ZMAT4: variants seen among roughly 807,000 people sequenced by gnomAD.
ZMAT4 encodes zinc finger matrin-type protein 4.
In ZMAT4, 17 loss-of-function variants were observed where a neutral mutation model predicts 28.7. That is an observed-to-expected ratio of 0.59 (90% CI 0.41 to 0.89). The LOEUF is 0.89. Among genes scored for constraint, ZMAT4 ranks in the 40% least tolerant of loss-of-function variants. The pLI is 0.00. For missense variants in ZMAT4, 240 were observed against 283.8 expected (o/e 0.85, Z 1.11); for synonymous variants, 117 against 109.2 (o/e 1.07, Z -0.44).
chr8:40,824,076 A>G (rs1414880139), intron 2 of ZMAT4, among the ~76,000 whole-genome samples: 1 of 152,032 alleles, frequency 6.6e-6, no homozygotes, highest in Non-Finnish European at 1.5e-5. Context: ...CTGGGTGCGT[A>G]TGTGTGTGTG....
rs142963062 is a variant in ZMAT4, at chr8:40,889,109, G to A, written c.-5+8574C>T. ...CTCAACTTCTCTGCTTGTGAAATGA[G>A]CAGATATATGTGATGCACCCCTTGA... On this transcript the variant is annotated intron_variant, in intron 1 of 6. Coordinates refer to ENST00000297737, the MANE Select transcript of ZMAT4 (RefSeq NM_024645.3). Among the ~76,000 whole-genome samples the A allele has an allele frequency of 1.4e-4, 21 of 152,320 alleles. No individual in the cohort carries two copies. In the East Asian group the frequency reaches 3.7e-3, roughly 27 times the overall value.
chr8:40,713,095 G>T (rs956822661), intron 3 of ZMAT4, among the ~76,000 whole-genome samples: 1 of 151,938 alleles, frequency 6.6e-6, no homozygotes, highest in African/African-American at 2.4e-5. Flanking sequence ...TTTTAAAGTG[G>T]GTTTCTGCTA....
intron 5 of ZMAT4, among the ~76,000 whole-genome samples, chr8:40,593,572 C>G (rs1467210334): frequency 6.6e-6 from 1 of 152,174 alleles, no homozygotes; most frequent in Non-Finnish European, 1.5e-5. Context: ...GCTACATCAG[C>G]TGAAAGTCCT....
chr8:40,601,457 G>A (rs13279924), intron 5 of ZMAT4, among the ~76,000 whole-genome samples: 2 of 40,738 alleles, frequency 4.9e-5, no homozygotes, highest in African/African-American at 2.2e-4. Flanking sequence ...AGGAAGGAAG[G>A]GAGGAAGAAA....
At chr8:40,571,285 CA>C (rs1804089367) in intron 6 of ZMAT4, among the ~76,000 whole-genome samples, 1 of 108,786 alleles carries the variant, frequency 9.2e-6, no homozygotes, top group Non-Finnish European at 1.9e-5. Flanking sequence ...GCCTGTATAG[CA>C]AAAGCATGCA....
At chr8:40,863,371 T>G (rs1428698777) in intron 1 of ZMAT4, among the ~76,000 whole-genome samples, 1 of 151,980 alleles carries the variant, frequency 6.6e-6, no homozygotes, top group Non-Finnish European at 1.5e-5. Flanking sequence ...TTTGGAGAAG[T>G]GGAGGTACAA....
chr8:40,690,978 T>C (rs751952230), intron 4 of ZMAT4: 141 of 959,574 alleles, frequency 1.5e-4, no homozygotes, highest in Non-Finnish European at 1.7e-4. Flanking sequence ...TTAAAGTGTA[T>C]AAATATCTGT....
intron 2 of ZMAT4, among the ~76,000 whole-genome samples, chr8:40,815,093 G>T (rs1301096949): frequency 6.6e-6 from 1 of 152,080 alleles, no homozygotes; most frequent in African/African-American, 2.4e-5. Context: ...TGGCCAACAT[G>T]GTGAAACCCT....
chr8:40,799,761 G>A (rs890430684), intron 2 of ZMAT4, among the ~76,000 whole-genome samples: 1 of 152,090 alleles, frequency 6.6e-6, no homozygotes, highest in South Asian at 2.1e-4. Flanking sequence ...ATGTATAAGT[G>A]AAATGAATGA....
intron 1 of ZMAT4, among the ~76,000 whole-genome samples, chr8:40,829,490 C>G (rs1352704693): frequency 6.6e-6 from 1 of 152,110 alleles, no homozygotes; most frequent in Non-Finnish European, 1.5e-5. Context: ...GTGTGAGGCT[C>G]AGAGGTGCAT....
At chr8:40,794,295 T>C (rs1441462920) in intron 2 of ZMAT4, among the ~76,000 whole-genome samples, 2 of 152,176 alleles carry the variant, frequency 1.3e-5, no homozygotes, top group South Asian at 2.1e-4. Flanking sequence ...AGAGACTCCA[T>C]GGGCATTTGG....
At chr8:40,622,785 C>A (rs749014448) in intron 5 of ZMAT4, among the ~76,000 whole-genome samples, 1 of 152,132 alleles carries the variant, frequency 6.6e-6, no homozygotes, top group Non-Finnish European at 1.5e-5. Context: ...CTGGAACTAA[C>A]AAGAGCAAGA....
At chr8:40,731,483 A>G (rs1456538844) in intron 3 of ZMAT4, among the ~76,000 whole-genome samples, 4 of 152,202 alleles carry the variant, frequency 2.6e-5, no homozygotes, top group African/African-American at 9.6e-5. Flanking sequence ...GGGAAGAAGA[A>G]GAATCATTTC....
intron 3 of ZMAT4, among the ~76,000 whole-genome samples, chr8:40,760,562 G>A (rs553912720): frequency 6.6e-6 from 1 of 152,174 alleles, no homozygotes; most frequent in East Asian, 1.9e-4. Context: ...TGCAATGAAA[G>A]AAGTCAGAAA....
intron 3 of ZMAT4, among the ~76,000 whole-genome samples, chr8:40,758,489 C>T (rs532038120): frequency 9.2e-5 from 14 of 152,270 alleles, no homozygotes; most frequent in Non-Finnish European, 1.6e-4. Context: ...AACTATGGCA[C>T]GGTCATCACC....
chr8:40,658,315 T>A (rs1808018953), intron 5 of ZMAT4, among the ~76,000 whole-genome samples: 2 of 152,198 alleles, frequency 1.3e-5, no homozygotes, highest in Non-Finnish European at 2.9e-5. Flanking sequence ...AATGTAAGAC[T>A]GCATCTGAAT....
rs548563016 is a variant in ZMAT4, at chr8:40,558,761, G to A, written c.674+22404C>T. Among the ~76,000 whole-genome samples, 4 of 152,122 alleles carry A rather than the reference G, an allele frequency of 2.6e-5. No homozygotes were observed. In the East Asian group the frequency reaches 7.8e-4, roughly 30 times the overall value. ...CTAAGGCCCCCAACTGACTGAACGGGCTCCCGCTTCTTGGCCGAGGGGACC... is the reference window on the plus strand; with the variant it reads ...CTAAGGCCCCCAACTGACTGAACGGACTCCCGCTTCTTGGCCGAGGGGACC... On this transcript the variant is annotated intron_variant, in intron 6 of 6. Coordinates refer to ENST00000297737, the MANE Select transcript of ZMAT4 (RefSeq NM_024645.3).
At chr8:40,810,579 C>T (rs911528632) in intron 2 of ZMAT4, among the ~76,000 whole-genome samples, 3 of 152,014 alleles carry the variant, frequency 2.0e-5, no homozygotes, top group Admixed American at 6.6e-5. Context: ...AAGCTCCAAA[C>T]AGAGTTAAAA....
intron 5 of ZMAT4, among the ~76,000 whole-genome samples, chr8:40,590,482 A>G (rs4506199): frequency 0.23 from 34,206 of 151,844 alleles, 4,479 homozygotes; most frequent in Non-Finnish European, 0.3. Context: ...CAGGCTGAAA[A>G]TCAAACGGCT....
Sources: gnomAD v4.1 joint callset for allele counts (sites outside exome capture counted in the v4.1 genomes callset) on GRCh38, gnomAD v4.1.1 for gene constraint, MANE v1.5 for transcripts, NCBI Gene and HGNC (gene_info 2026-07-23, HGNC 2026-07-21) for gene names.